The following DRICH1 variants were observed in gnomAD, a reference collection of about 807,000 sequenced individuals.
DRICH1 encodes aspartate rich 1.
Under a neutral mutation model 39.5 loss-of-function variants are expected in DRICH1, and 38 were observed. That is an observed-to-expected ratio of 0.96 (90% confidence interval 0.74 to 1.26). The LOEUF (loss-of-function observed/expected upper bound fraction) is 1.26. DRICH1 is among the 50% of genes most tolerant of loss of function. The pLI, the probability that DRICH1 is intolerant of heterozygous loss-of-function variation, is 0.00. For synonymous variants in DRICH1, 84 were observed against 99.5 expected (o/e 0.84, Z 0.93); for missense variants, 279 against 270.4 (o/e 1.03, Z -0.22).
chr22:23,594,275 CA>C, the DRICH1 span, among the ~76,000 whole-genome samples: 3,749 of 152,016 alleles, frequency 0.025, 144 homozygotes, highest in African/African-American at 0.085. Flanking sequence ...CCAACAACAA[CA>C]AAAAAAAGTT....
At chr22:23,592,872 ACAC>A in the DRICH1 span, among the ~76,000 whole-genome samples, 13 of 141,718 alleles carry the variant, frequency 9.2e-5, no homozygotes, top group African/African-American at 2.7e-4. Flanking sequence ...ACACACACAC[ACAC>A]ACACAAAATT....
At chr22:23,620,413 C>A (rs956725498) in intron 5 of DRICH1, among the ~76,000 whole-genome samples, 181 bp downstream of exon 5, 2 of 152,108 alleles carry the variant, frequency 1.3e-5, no homozygotes, top group Admixed American at 1.3e-4. Flanking sequence ...CACAAAATCT[C>A]CTGCTTGGTC....
the DRICH1 span, among the ~76,000 whole-genome samples, chr22:23,587,566 G>A: frequency 6.6e-6 from 1 of 152,164 alleles, no homozygotes; most frequent in Non-Finnish European, 1.5e-5. Context: ...AGTGGTGAAG[G>A]CCTCAGGCCT....
At chr22:23,624,843 A>T in intron 3 of DRICH1, 40 bp downstream of exon 3, 1 of 1,604,228 alleles carries the variant, frequency 6.2e-7, no homozygotes, top group African/African-American at 1.3e-5. Flanking sequence ...AAAGCTAGCA[A>T]GTTTGTTTCT....
the DRICH1 span, among the ~76,000 whole-genome samples, chr22:23,591,362 G>A: frequency 1.3e-5 from 2 of 152,164 alleles, no homozygotes; most frequent in Non-Finnish European, 2.9e-5. Flanking sequence ...CAGACAAGGA[G>A]GGCACTCTTC....
At chr22:23,618,359 C>A (rs1927499920) in intron 6 of DRICH1, among the ~76,000 whole-genome samples, 1 of 151,986 alleles carries the variant, frequency 6.6e-6, no homozygotes, top group Non-Finnish European at 1.5e-5. Context: ...CATGATCCAC[C>A]CACCTCGGCC....
chr22:23,589,530 A>G, the DRICH1 span, among the ~76,000 whole-genome samples: 1 of 152,092 alleles, frequency 6.6e-6, no homozygotes, highest in Non-Finnish European at 1.5e-5. Context: ...AATAAAAAAT[A>G]TATAAATGTT....
chr22:23,623,510 T>C (rs1402187214), intron 3 of DRICH1, among the ~76,000 whole-genome samples: 1 of 152,140 alleles, frequency 6.6e-6, no homozygotes, highest in Non-Finnish European at 1.5e-5. Context: ...GTAAAGAACA[T>C]ACAAATAAGT....
At chr22:23,582,766 G>C in the DRICH1 span, among the ~76,000 whole-genome samples, 3 of 151,908 alleles carry the variant, frequency 2.0e-5, no homozygotes, top group African/African-American at 7.3e-5. Context: ...TCACCATGTT[G>C]ATCAGGCTGG....
At chr22:23,616,549 T>C (rs1291786816) in intron 8 of DRICH1, among the ~76,000 whole-genome samples, 2 of 152,120 alleles carry the variant, frequency 1.3e-5, no homozygotes, top group African/African-American at 4.8e-5. Flanking sequence ...TGGAAAGGCA[T>C]ACTCTTCCCT....
the DRICH1 span, among the ~76,000 whole-genome samples, chr22:23,596,883 C>T: frequency 6.6e-6 from 1 of 151,842 alleles, no homozygotes; most frequent in African/African-American, 2.4e-5. Flanking sequence ...TATAGTTTTT[C>T]AAGTCCTCTA....
chr22:23,604,088 G>C (rs1194050663), downstream of DRICH1, among the ~76,000 whole-genome samples: 1 of 151,964 alleles, frequency 6.6e-6, no homozygotes, highest in East Asian at 1.9e-4. Context: ...ACCCTCCATG[G>C]GGTGTCTCTA....
the DRICH1 span, among the ~76,000 whole-genome samples, chr22:23,598,237 A>G: frequency 6.1e-4 from 92 of 150,424 alleles, 2 homozygotes; most frequent in African/African-American, 2.2e-3. Flanking sequence ...CTTCTCCTTG[A>G]CCAGAGTGAA....
chr22:23,622,962 G>T (rs1214899559), intron 3 of DRICH1, among the ~76,000 whole-genome samples: 1 of 152,130 alleles, frequency 6.6e-6, no homozygotes, highest in African/African-American at 2.4e-5. Flanking sequence ...AAATATACAT[G>T]ATCTATGGAA....
chr22:23,618,406 ACC>A, intron 6 of DRICH1, among the ~76,000 whole-genome samples: 2 of 151,694 alleles, frequency 1.3e-5, no homozygotes, highest in African/African-American at 2.4e-5. Flanking sequence ...GAGCCACCGC[ACC>A]CAGCTGATCA....
intron 5 of DRICH1, among the ~76,000 whole-genome samples, chr22:23,620,122 AT>A (rs1413691332): frequency 1.3e-5 from 2 of 152,180 alleles, no homozygotes; most frequent in African/African-American, 2.4e-5. Context: ...AGTACTTCTC[AT>A]CATGATGACA....
chr22:23,600,094 G>C, the DRICH1 span, among the ~76,000 whole-genome samples: 1 of 152,170 alleles, frequency 6.6e-6, no homozygotes, highest in Non-Finnish European at 1.5e-5. Context: ...ATAAGTAACT[G>C]TCCAGTCTGA....
chr22:23,588,805 G>C, the DRICH1 span, among the ~76,000 whole-genome samples: 18 of 152,050 alleles, frequency 1.2e-4, no homozygotes, highest in Non-Finnish European at 2.4e-4. Context: ...AGCCAATTCT[G>C]ACCCCAAATC....
intron 8 of DRICH1, among the ~76,000 whole-genome samples, chr22:23,615,381 T>G (rs1285895387): frequency 2.0e-5 from 3 of 152,162 alleles, no homozygotes; most frequent in African/African-American, 7.2e-5. Context: ...CATCTCAAAA[T>G]ATACATATAT....
Sources: allele counts gnomAD v4.1 joint callset (sites outside exome capture counted in the v4.1 genomes callset), GRCh38; gene constraint gnomAD v4.1.1; transcripts MANE v1.5; gene names NCBI Gene and HGNC (gene_info 2026-07-23, HGNC 2026-07-21).